The following AHI1 variants were observed in gnomAD, a reference collection of about 807,000 sequenced individuals.
AHI1 encodes Abelson helper integration site 1.
Under a neutral mutation model 149.3 loss-of-function variants are expected in AHI1, and 123 were observed. The observed-to-expected ratio is 0.82, with a 90% confidence interval of 0.71 to 0.96. The LOEUF is 0.96. Among genes scored for constraint, AHI1 ranks in the 40% least tolerant of loss-of-function variants. AHI1 has a pLI of 0.00. For missense variants in AHI1, 1,439 were observed against 1,422.7 expected, an observed-to-expected ratio of 1.01 and a Z score of -0.18; for synonymous variants, 475 against 459.8, an observed-to-expected ratio of 1.03 and a Z score of -0.42.
At chr6:135,488,870 GCACTTCCACT>G (rs1794851135) in intron 5 of AHI1, among the ~76,000 whole-genome samples, 1 of 152,088 alleles carries the variant, frequency 6.6e-6, no homozygotes, top group Non-Finnish European at 1.5e-5. Context: ...AGTGGATTCT[GCACTTCCACT>G]CAGTGTTTGA....
At chr6:135,330,977 A>C (rs756071400) in intron 24 of AHI1, among the ~76,000 whole-genome samples, 3 of 152,302 alleles carry the variant, frequency 2.0e-5, no homozygotes, top group South Asian at 2.1e-4. Context: ...AAGTTCTATA[A>C]AGCAGTTAGG....
At chr6:135,330,394 T>C (rs1224036865) in intron 24 of AHI1, among the ~76,000 whole-genome samples, 1 of 152,272 alleles carries the variant, frequency 6.6e-6, no homozygotes, top group African/African-American at 2.4e-5. Context: ...GATGACTTGC[T>C]GAAGGCTGAG....
chr6:135,341,251 A>G (rs1226313105), intron 24 of AHI1, among the ~76,000 whole-genome samples: 1 of 151,964 alleles, frequency 6.6e-6, no homozygotes, highest in Non-Finnish European at 1.5e-5. Flanking sequence ...CTGTTGAAAA[A>G]TGGAAAAAGA....
chr6:135,491,277 A>G (rs1018884745), intron 4 of AHI1, among the ~76,000 whole-genome samples: 1 of 152,220 alleles, frequency 6.6e-6, no homozygotes, highest in South Asian at 2.1e-4. Context: ...TATATGCCCT[A>G]CAGGGCTCCA....
At chr6:135,293,392 CAAAAAAAAAAAAAGAAAA>C (rs1235998620) in intron 27 of AHI1, among the ~76,000 whole-genome samples, 51 of 20,152 alleles carry the variant, frequency 2.5e-3, no homozygotes, top group Non-Finnish European at 4.3e-3. Context: ...GTTAACAGGG[CAAAAAAAAAAAAAGAAAA>C]AAAAAAAAAA....
chr6:135,389,230 G>A (rs1778091188), intron 23 of AHI1, among the ~76,000 whole-genome samples: 1 of 144,176 alleles, frequency 6.9e-6, no homozygotes, highest in South Asian at 2.1e-4. Context: ...AGAATGGAGT[G>A]AACCCGGGAG....
intron 8 of AHI1, among the ~76,000 whole-genome samples, chr6:135,462,383 GA>G (rs1790038651): frequency 6.6e-6 from 1 of 152,048 alleles, no homozygotes; most frequent in Non-Finnish European, 1.5e-5. Context: ...GTTGAGAAAG[GA>G]AAGAAGTGGT....
chr6:135,285,344 T>C lies in AHI1; in HGVS notation c.*301A>G. The C allele has an allele frequency of 2.1e-6, 1 of 465,656 alleles. No individual in the cohort carries two copies. Among genetic ancestry groups the C allele is most frequent in the East Asian group, 3.6e-5 (1 of 27,958 alleles). The allele number at this position is 465,656 out of a possible 1,614,324, so 28.8% of individuals were successfully genotyped here. On this transcript the variant is annotated 3_prime_UTR_variant, in exon 29 of 29. Coordinates refer to ENST00000265602, the MANE Select transcript of AHI1 (RefSeq NM_001134831.2). ...TTTGCTGAGTAGCAATTACAGTGTTTTCTTCATTAGTTTTCCAACACTGGT... is the reference window on the plus strand; with the variant it reads ...TTTGCTGAGTAGCAATTACAGTGTTCTCTTCATTAGTTTTCCAACACTGGT...
intron 23 of AHI1, among the ~76,000 whole-genome samples, chr6:135,361,993 T>A (rs2128442127): frequency 6.6e-6 from 1 of 152,272 alleles, no homozygotes; most frequent in East Asian, 1.9e-4. Context: ...CTCACCCCTG[T>A]CCCACCCTTT....
At position 135,411,481 on chromosome 6, in the gene AHI1, T is replaced by G. The variant is rs778930773; in HGVS notation, c.2828A>C (p.His943Pro). 5 of 1,613,176 alleles carry G rather than the reference T, an allele frequency of 3.1e-6. No homozygotes were observed. The highest frequency in any genetic ancestry group is 4.2e-6 in the Non-Finnish European group (5 of 1,179,480). Residue 943 changes from histidine to proline, a missense_variant, in exon 21 of 29, where the codon CAC (histidine) becomes CCC (proline). Physicochemically the swap from His to Pro is moderately conservative, Grantham distance 77. Transcript: ENST00000265602. ...YNGTFPLPGI[H>P]QSQDALCTCP... ...GGTACATAGGGCATCTTGACTTTGG[T>G]GTATTCCAGGTAATGGAAATGTTCC...
chr6:135,417,473 T>C (rs1782546755), intron 20 of AHI1, among the ~76,000 whole-genome samples: 1 of 151,946 alleles, frequency 6.6e-6, no homozygotes, highest in South Asian at 2.1e-4. Context: ...CATGTATTAT[T>C]TTTCTTTCTT....
rs1367064866 is a variant in AHI1 at position 135,428,678 on chromosome 6, C to T, written c.2574G>A (p.Leu858=). 3.1e-6 allele frequency: 5 copies of T among 1,608,930 alleles called. No individual in the cohort carries two copies. In the African/African-American group the frequency reaches 4.0e-5, roughly 13 times the overall value. The change falls in exon 19 of 29, where the codon CTG becomes CTA. Residue 858 remains leucine, a synonymous_variant. Coordinates refer to ENST00000265602, the MANE Select transcript of AHI1 (RefSeq NM_001134831.2). ...CTATACCATCCTCACTTCCAGCAAA[C>T]AGAAAAGTCCCACATGGAGTCAAAG... is the stretch of plus-strand genomic sequence containing the variant. ...HSTLTPCGTF[L]FAGSEDGIVY...
At chr6:135,365,507 C>A (rs974087110) in intron 23 of AHI1, among the ~76,000 whole-genome samples, 2 of 151,934 alleles carry the variant, frequency 1.3e-5, no homozygotes, top group Admixed American at 1.3e-4. Context: ...TTTACTTTTC[C>A]TTGTAGAGAT....
At chr6:135,444,840 A>G (rs1438982030) in intron 13 of AHI1, among the ~76,000 whole-genome samples, 1 of 152,248 alleles carries the variant, frequency 6.6e-6, no homozygotes, top group Non-Finnish European at 1.5e-5. Context: ...ATGAATCTGA[A>G]TGAGACTAGT....
intron 19 of AHI1, 118 bp from the exon 20 acceptor site, chr6:135,427,425 T>C: frequency 3.4e-6 from 3 of 876,468 alleles, no homozygotes; most frequent in African/African-American, 1.7e-5. Flanking sequence ...GCTCACATTA[T>C]TTATGTGAAA....
chr6:135,336,216 A>G (rs1582658570), intron 24 of AHI1, among the ~76,000 whole-genome samples: 1 of 152,076 alleles, frequency 6.6e-6, no homozygotes, highest in Non-Finnish European at 1.5e-5. Context: ...CAGTGGTCCC[A>G]TATGATAATG....
intron 23 of AHI1, among the ~76,000 whole-genome samples, chr6:135,389,905 A>G (rs1778224022): frequency 6.6e-6 from 1 of 152,206 alleles, no homozygotes. Flanking sequence ...ACATTTTAAA[A>G]CTTAGTTTTA....
At position 135,298,267 on chromosome 6, in the gene AHI1, G is replaced by C. The variant is rs115528206; in HGVS notation, c.3485+2233C>G. On this transcript the variant is annotated intron_variant, in intron 27 of 28. Coordinates refer to ENST00000265602, the MANE Select transcript of AHI1 (RefSeq NM_001134831.2). ...AGTTTCTTCTAGATACCTTAAAAAA[G>C]AGAATGTAACTTTACTAAAATGTGT... 4.5e-3 allele frequency among the ~76,000 whole-genome samples: 679 copies of C among 149,236 alleles called. 8 individuals are homozygous for C. Among genetic ancestry groups the C allele is most frequent in the African/African-American group, 0.016 (638 of 40,634 alleles).
At chr6:135,342,061 A>G (rs1193966259) in intron 24 of AHI1, among the ~76,000 whole-genome samples, 1 of 151,940 alleles carries the variant, frequency 6.6e-6, no homozygotes, top group East Asian at 1.9e-4. Context: ...TGGCCAGGGT[A>G]GAAAAAACAA....
Sources: gnomAD v4.1 joint callset for allele counts (sites outside exome capture counted in the v4.1 genomes callset) on GRCh38, gnomAD v4.1.1 for gene constraint, MANE v1.5 for transcripts, NCBI Gene and HGNC (gene_info 2026-07-23, HGNC 2026-07-21) for gene names.